Variants in SACS observed in about 807,000 individuals in gnomAD.
SACS encodes the protein sacsin.
SACS carries 197 observed loss-of-function variants against 348.0 expected under a neutral mutation model. The observed-to-expected ratio is 0.57, with a 90% CI of 0.50 to 0.64. The LOEUF (loss-of-function observed/expected upper bound fraction) is 0.64, where lower values mean the gene tolerates loss of function less well. Among genes scored for constraint, SACS ranks in the 30% least tolerant of loss-of-function variants. The pLI, the probability that SACS is intolerant of heterozygous loss-of-function variation, is 0.00. For missense variants in SACS, 4,999 were observed against 5,360.8 expected (o/e 0.93, Z 2.11); for synonymous variants, 1,985 against 1,910.6 (o/e 1.04, Z -1.02).
chr13:23,336,980 T>G lies in SACS; in HGVS notation c.6896A>C (p.Glu2299Ala). ...TVDLVINQLKEVAKSVDDGIT... is the reference protein window; with the variant it reads ...TVDLVINQLKAVAKSVDDGIT... Reference sequence around the variant, plus strand: ...TCCATCATCAACTGATTTTGCTACTTCTTTCAATTGGTTTATAACCAGATC... The same window carrying G: ...TCCATCATCAACTGATTTTGCTACTGCTTTCAATTGGTTTATAACCAGATC... Residue 2299 changes from glutamate to alanine, a missense_variant, in exon 10 of 10, where the codon GAA becomes GCA. Physicochemically the swap from Glu to Ala is moderately radical, Grantham distance 107 (BLOSUM62 -1). Transcript: ENST00000382292. 1 of 1,614,028 alleles carries G rather than the reference T, an allele frequency of 6.2e-7. No homozygotes were observed. Among genetic ancestry groups the G allele is most frequent in the South Asian group, 1.1e-5 (1 of 91,074 alleles).
intron 1 of SACS, among the ~76,000 whole-genome samples, chr13:23,433,116 A>G (rs1027898383): frequency 6.6e-6 from 1 of 152,218 alleles, no homozygotes; most frequent in African/African-American, 2.4e-5. Flanking sequence ...GTTTGAAGGC[A>G]TGCTGTTTAA....
Position 23,354,974 on chromosome 13 carries a change from T to C in SACS, c.1638A>G (p.Gln546=), listed in dbSNP as rs755389972. 1 of 1,614,226 alleles carries C rather than the reference T, an allele frequency of 6.2e-7. No individual in the cohort carries two copies. The highest frequency in any genetic ancestry group is 2.2e-5 in the East Asian group (1 of 44,890). ...CGCTGAATAGAGGCTCTAACACCGG[T>C]TGCCAGTGCACCTTGACTTTGCTCG... The part of the protein sequence containing the change: ...PEASKVKVHW[Q]PVLEPLFSEL... Residue 546 remains glutamine (Q), a synonymous_variant, in exon 8 of 10, where the codon CAA becomes CAG. Transcript: ENST00000382292.
intron 2 of SACS, among the ~76,000 whole-genome samples, chr13:23,394,977 G>C (rs1259376719): frequency 6.6e-6 from 1 of 152,128 alleles, no homozygotes; most frequent in Non-Finnish European, 1.5e-5. Flanking sequence ...TGATTTATTA[G>C]GGATCCGTTC....
chr13:23,374,175 T>C (rs1292996382), intron 3 of SACS: 1 of 152,260 alleles, frequency 6.6e-6, no homozygotes, highest in Non-Finnish European at 1.5e-5. Context: ...CTTGGGGAAC[T>C]GATCAGAAGG....
rs774487714 is a variant in SACS at position 23,337,174 on chromosome 13, A to G, written c.6702T>C (p.Phe2234=). ...GFSLDWKGNS[F]KPETMFAATD... ...TTGCTGCAAACATGGTTTCAGGCTT[A>G]AAACTGTTGCCTTTCCAGTCCAAAG... Residue 2234 remains phenylalanine, a synonymous_variant, in exon 10 of 10, where the codon TTT becomes TTC. Coordinates refer to ENST00000382292, the MANE Select transcript of SACS (RefSeq NM_014363.6). 18 of 1,613,884 alleles carry G rather than the reference A, an allele frequency of 1.1e-5. No homozygotes were observed. In the African/African-American group the frequency reaches 2.4e-4, roughly 22 times the overall value.
chr13:23,368,747 G>A (rs1326339665), intron 4 of SACS, among the ~76,000 whole-genome samples: 1 of 152,178 alleles, frequency 6.6e-6, no homozygotes, highest in Non-Finnish European at 1.5e-5. Context: ...CGCCCAAGCT[G>A]AAGTGCAGTC....
chr13:23,395,861 G>A (rs1384148866), intron 2 of SACS, among the ~76,000 whole-genome samples: 2 of 152,044 alleles, frequency 1.3e-5, no homozygotes, highest in South Asian at 2.1e-4. Flanking sequence ...TACAATATTC[G>A]AATGAAAGCT....
chr13:23,411,744 G>C lies in SACS; in HGVS notation c.-501-4C>G, dbSNP rs1248187178. 1.3e-5 allele frequency: 2 copies of C among 159,490 alleles called. No homozygotes were observed. Among genetic ancestry groups the C allele is most frequent in the Non-Finnish European group, 2.7e-5 (2 of 73,640 alleles). 9.9% of individuals were successfully genotyped at this position (159,490 alleles called of 1,614,324 possible). A position where few individuals can be genotyped will look rare whatever the true frequency, so the allele number is the denominator to read the frequency against. On this transcript the variant is annotated splice_polypyrimidine_tract_variant and splice_region_variant and intron_variant, in intron 1 of 9. Coordinates refer to ENST00000382292, the MANE Select transcript of SACS (RefSeq NM_014363.6). ...TCTTGGCCTCACTTCTGTGATCCTG[G>C]AAGAAAAATCAAGGAAGGGTAAAGA...
intron 5 of SACS, 90 bp from the exon 6 acceptor site, chr13:23,365,367 ATATACT>A: frequency 1.3e-6 from 1 of 760,626 alleles, no homozygotes. Context: ...TAAGAAGTTA[ATATACT>A]TAAATAAAGG....
intron 4 of SACS, among the ~76,000 whole-genome samples, chr13:23,370,690 C>G (rs150879197): frequency 2.6e-5 from 4 of 152,128 alleles, no homozygotes; most frequent in Admixed American, 2.6e-4. Flanking sequence ...CGGCTGGGAG[C>G]GGTGGCTCAC....
intron 1 of SACS, among the ~76,000 whole-genome samples, chr13:23,416,747 C>G (rs1873706885): frequency 6.8e-6 from 1 of 147,064 alleles, no homozygotes; most frequent in African/African-American, 2.6e-5. Context: ...ACAAGAAACT[C>G]CATCTTAAAA....
chr13:23,336,395 ACTG>A lies in SACS; in HGVS notation c.7478_7480del (p.Ala2493del). 1 of 1,614,084 alleles carries A rather than the reference ACTG, an allele frequency of 6.2e-7. No homozygotes were observed. Among genetic ancestry groups the A allele is most frequent in the Non-Finnish European group, 8.5e-7 (1 of 1,179,936 alleles). The stretch of plus-strand genomic sequence containing the variant: ...TCGCTTTGGGACTGCTCCTAGTTTT[ACTG>A]CTACTTCCCTGGGTATGTCAGCATG... On this transcript the variant is annotated inframe_deletion, in exon 10 of 10. Transcript: ENST00000382292.
At chr13:23,432,807 T>C (rs1408621017) in intron 1 of SACS, among the ~76,000 whole-genome samples, 1 of 152,192 alleles carries the variant, frequency 6.6e-6, no homozygotes, top group Non-Finnish European at 1.5e-5. Context: ...ACCTGGCTTC[T>C]GCCTTTTACT....
Position 23,338,744 on chromosome 13 carries a change from G to GT in SACS, c.5131dup (p.Thr1711AsnfsTer5). On this transcript the variant is annotated frameshift_variant, in exon 10 of 10. Coordinates refer to ENST00000382292, the MANE Select transcript of SACS (RefSeq NM_014363.6). LOFTEE classifies it high-confidence loss of function. ...GCAGGATTTTTTTTTAATTATTACT[G>GT]TATCTTGTGCTAAACTGGGGTTGGT... 1 of 1,610,346 alleles carries GT rather than the reference G, an allele frequency of 6.2e-7. No homozygotes were observed. Among genetic ancestry groups the GT allele is most frequent in the Non-Finnish European group, 8.5e-7 (1 of 1,178,862 alleles).
chr13:23,330,980 T>G lies in SACS; in HGVS notation c.12896A>C (p.Lys4299Thr). 6.2e-7 allele frequency: 1 copy of G among 1,614,162 alleles called. No homozygotes were observed. The highest frequency in any genetic ancestry group is 8.5e-7 in the Non-Finnish European group (1 of 1,180,012). ...SSKHQSPKKL[K>T]VNSLPEILKE... Reference sequence around the variant, plus strand: ...TAAGATTTCTGGTAAAGAATTAACCTTAAGCTTTTTGGGGGACTGATGTTT... The same window carrying G: ...TAAGATTTCTGGTAAAGAATTAACCGTAAGCTTTTTGGGGGACTGATGTTT... Residue 4299 changes from lysine to threonine, a missense_variant, in exon 10 of 10, where the codon AAG (lysine) becomes ACG (threonine). Physicochemically the swap from Lys to Thr is moderately conservative, Grantham distance 78. Coordinates refer to ENST00000382292, the MANE Select transcript of SACS (RefSeq NM_014363.6).
rs146722795 is a variant in SACS at position 23,337,095 on chromosome 13, G to T, written c.6781C>A (p.Leu2261Ile). ...CTAAAAGAATGGGAATTTTCATTTA[G>T]AATTGGTTGCAAAAGACAAACTATA... ...QDIVCLLQPILNENSHSFRGC... is the reference protein window; with the variant it reads ...QDIVCLLQPIINENSHSFRGC... Residue 2261 changes from leucine to isoleucine, a missense_variant, in exon 10 of 10, where the codon CTA (leucine) becomes ATA (isoleucine). This residue lies in a region of SACS where 3,156 missense variants were observed against 3,380.1 expected (regional missense o/e 0.93). Coordinates refer to ENST00000382292, the MANE Select transcript of SACS (RefSeq NM_014363.6). 8,563 of 1,613,958 alleles carry T rather than the reference G, an allele frequency of 5.3e-3. 28 individuals carry two copies. Among genetic ancestry groups the T allele is most frequent in the Non-Finnish European group, 5.8e-3 (6,884 of 1,179,904 alleles).
At position 23,341,220 on chromosome 13, in the gene SACS, G is replaced by A. The variant is rs757894912; in HGVS notation, c.2656C>T (p.Gln886Ter). 3 of 1,613,912 alleles carry A rather than the reference G, an allele frequency of 1.9e-6. No homozygotes were observed. The highest frequency in any genetic ancestry group is 1.1e-5 in the South Asian group (1 of 91,090). ...GAAGTTATTTGATTACACAATTTCTGCAATGGCATCTTCTCCATTATCTGC... is the reference window on the plus strand; with the variant it reads ...GAAGTTATTTGATTACACAATTTCTACAATGGCATCTTCTCCATTATCTGC... Reference protein sequence around the residue: ...VLQIMEKMPLQKLCNQITSLL... With the variant: ...VLQIMEKMPL The change falls in exon 10 of 10, where the codon CAG becomes TAG. Residue 886 changes from glutamine to a stop codon, truncating the protein, a stop_gained. Coordinates refer to ENST00000382292, the MANE Select transcript of SACS (RefSeq NM_014363.6). LOFTEE classifies it high-confidence loss of function.
At chr13:23,425,130 C>G (rs1014941823) in intron 1 of SACS, among the ~76,000 whole-genome samples, 1 of 151,412 alleles carries the variant, frequency 6.6e-6, no homozygotes, top group African/African-American at 2.4e-5. Flanking sequence ...ACGTCCACCT[C>G]GAGCTGGATG....
rs369521544 is a variant in SACS, at chr13:23,335,965, A to C, written c.7911T>G (p.Ser2637=). 9 of 1,612,756 alleles carry C rather than the reference A, an allele frequency of 5.6e-6. No homozygotes were observed. Among genetic ancestry groups the C allele is most frequent in the Non-Finnish European group, 7.6e-6 (9 of 1,178,804 alleles). The change falls in exon 10 of 10, where the codon TCT becomes TCG. Residue 2637 remains serine, a synonymous_variant. Coordinates refer to ENST00000382292, the MANE Select transcript of SACS (RefSeq NM_014363.6). This position sits in a 1 kb window ranked among gnomAD's most constrained non-coding sequence, Gnocchi z 4.7. ...NSVYHITDCP[S]FISGNDILCI... is the part of the protein sequence containing the mutation. ...ACAGGATGTCATTGCCAGAAATAAAAGATGGGCAGTCTGTGATATGATACA... is the reference window on the plus strand; with the variant it reads ...ACAGGATGTCATTGCCAGAAATAAACGATGGGCAGTCTGTGATATGATACA...
Sources: allele counts gnomAD v4.1 joint callset (sites outside exome capture counted in the v4.1 genomes callset), GRCh38; gene constraint gnomAD v4.1.1; regional missense constraint gnomAD v4.1.1; non-coding constraint Gnocchi (gnomAD v3.1); transcripts MANE v1.5; gene names NCBI Gene and HGNC (gene_info 2026-07-23, HGNC 2026-07-21).